TNRC6B: variants seen among roughly 807,000 people sequenced by gnomAD.
TNRC6B encodes the protein trinucleotide repeat containing adaptor 6B.
In TNRC6B, 52 loss-of-function variants were observed where a neutral mutation model predicts 203.6. The observed-to-expected ratio is 0.26, with a 90% confidence interval of 0.20 to 0.32. The LOEUF (loss-of-function observed/expected upper bound fraction) is 0.32, where lower values mean the gene tolerates loss of function less well. TNRC6B is among the 10% of genes least tolerant of loss of function. The pLI, the probability that TNRC6B is intolerant of heterozygous loss-of-function variation, is 1.00. For synonymous variants in TNRC6B, 838 were observed against 845.7 expected (o/e 0.99, Z 0.16); for missense variants, 1,923 against 2,286.2 (o/e 0.84, Z 3.24).
chr22:40,193,577 T>C (rs1428637942), intron 1 of TNRC6B, among the ~76,000 whole-genome samples: 2 of 152,092 alleles, frequency 1.3e-5, no homozygotes, highest in Admixed American at 1.3e-4. Context: ...CCGTAGGCAC[T>C]TCATAAAGTT....
At chr22:40,209,206 G>T (rs1165670462) in intron 1 of TNRC6B, among the ~76,000 whole-genome samples, 2 of 152,022 alleles carry the variant, frequency 1.3e-5, no homozygotes, top group Non-Finnish European at 2.9e-5. Flanking sequence ...TGAATAATTG[G>T]CTAAGAGAGT....
intron 1 of TNRC6B, among the ~76,000 whole-genome samples, chr22:40,228,808 G>C (rs1478271119): frequency 6.6e-6 from 1 of 152,084 alleles, no homozygotes; most frequent in African/African-American, 2.4e-5. Flanking sequence ...ACAGACATGA[G>C]CCACCGCGCC....
At position 40,055,218 on chromosome 22, in the gene TNRC6B, T is replaced by A. The variant is rs543165609; in HGVS notation, c.-121+10220T>A. Among the ~76,000 whole-genome samples, 21 of 152,048 alleles carry A rather than the reference T, an allele frequency of 1.4e-4. No individual in the cohort carries two copies. In the East Asian group the frequency reaches 4.1e-3, roughly 29 times the overall value. Reference sequence around the variant, plus strand: ...TGAGACAGATGTGGACACAGATGAGTGCCATTTAGTGTAATAAGTGCTGTA... The same window carrying A: ...TGAGACAGATGTGGACACAGATGAGAGCCATTTAGTGTAATAAGTGCTGTA... On this transcript the variant is annotated intron_variant, in intron 1 of 23. Coordinates refer to the TNRC6B transcript ENST00000301923.
At chr22:40,291,343 C>G (rs2070866966) in intron 12 of TNRC6B, among the ~76,000 whole-genome samples, 1 of 151,972 alleles carries the variant, frequency 6.6e-6, no homozygotes, top group East Asian at 1.9e-4. Context: ...CATGGTGACA[C>G]CGCTGCAATC....
chr22:40,194,868 C>A (rs1394698724), intron 1 of TNRC6B, among the ~76,000 whole-genome samples: 1 of 152,170 alleles, frequency 6.6e-6, no homozygotes, highest in Non-Finnish European at 1.5e-5. Context: ...ACTGGTGTTT[C>A]CTGCTACAGA....
intron 3 of TNRC6B, among the ~76,000 whole-genome samples, chr22:40,148,336 T>C (rs1320199669): frequency 6.6e-6 from 1 of 150,568 alleles, no homozygotes; most frequent in Non-Finnish European, 1.5e-5. Context: ...CAGGCTGCAG[T>C]GCAGTGGCAC....
intron 15 of TNRC6B, among the ~76,000 whole-genome samples, chr22:40,306,467 A>G (rs567883845): frequency 5.9e-5 from 9 of 152,276 alleles, no homozygotes; most frequent in East Asian, 1.9e-4. Context: ...CTCTTTCTCA[A>G]TGATTAGAAC....
chr22:40,047,567 C>T (rs867501677), intron 1 of TNRC6B, among the ~76,000 whole-genome samples: 1 of 151,926 alleles, frequency 6.6e-6, no homozygotes, highest in Non-Finnish European at 1.5e-5. Flanking sequence ...TGTGCCATTG[C>T]ACTCCAATCT....
intron 12 of TNRC6B, among the ~76,000 whole-genome samples, chr22:40,300,003 A>G (rs1036754818): frequency 6.6e-6 from 1 of 152,224 alleles, no homozygotes; most frequent in Non-Finnish European, 1.5e-5. Context: ...GAAGCCATGC[A>G]TTGAAACTCA....
At chr22:40,209,834 G>A (rs969654875) in intron 1 of TNRC6B, among the ~76,000 whole-genome samples, 2 of 152,070 alleles carry the variant, frequency 1.3e-5, no homozygotes, top group African/African-American at 4.8e-5. Flanking sequence ...GCCTGGCCAA[G>A]ATGGTAAAAC....
chr22:40,077,781 G>GTGTA (rs2068030693), intron 1 of TNRC6B, among the ~76,000 whole-genome samples: 1 of 152,030 alleles, frequency 6.6e-6, no homozygotes, highest in Non-Finnish European at 1.5e-5. Flanking sequence ...GTGTGTGTGT[G>GTGTA]TATATACACA....
At chr22:40,292,257 G>A (rs906406818) in intron 12 of TNRC6B, among the ~76,000 whole-genome samples, 17 of 152,050 alleles carry the variant, frequency 1.1e-4, no homozygotes, top group African/African-American at 4.1e-4. Context: ...GGAGGCTGAG[G>A]CAGGAGAATC....
intron 3 of TNRC6B, among the ~76,000 whole-genome samples, chr22:40,130,748 A>G (rs2068534576): frequency 7.5e-6 from 1 of 132,700 alleles, no homozygotes; most frequent in Non-Finnish European, 1.5e-5. Flanking sequence ...GCGCCGCTGC[A>G]CTCCAGCCTG....
chr22:40,264,694 C>T lies in TNRC6B; in HGVS notation c.464C>T (p.Thr155Ile), dbSNP rs373816263. 4.2e-5 allele frequency: 67 copies of T among 1,588,470 alleles called. No homozygotes were observed. The African/African-American group carries it at 7.9e-4, about 19-fold the overall frequency. The change falls in exon 5 of 23, where the codon ACC (threonine) becomes ATC (isoleucine). Residue 155 changes from threonine to isoleucine, a missense_variant. Coordinates refer to ENST00000454349, the MANE Select transcript of TNRC6B (RefSeq NM_001162501.2). ...QSESGTAPDS[T>I]LGGAAASNYA... ...AAGATGATCTGTTCCCCAGACTCAA[C>T]CCTTGGAGGTGCTGCTGCTTCAAAT...
At chr22:40,151,546 A>AAAGG (rs1555885688) in intron 3 of TNRC6B, among the ~76,000 whole-genome samples, 1 of 63,186 alleles carries the variant, frequency 1.6e-5, no homozygotes, top group African/African-American at 1.8e-4. Flanking sequence ...TCAAAAAAAA[A>AAAGG]AAAAAAGAAA....
Position 40,325,790 on chromosome 22 carries a change from C to G in TNRC6B, c.*2549C>G, listed in dbSNP as rs2071394513. 1 of 152,728 alleles carries G rather than the reference C, an allele frequency of 6.5e-6. No homozygotes were observed. The highest frequency in any genetic ancestry group is 2.1e-4 in the South Asian group (1 of 4,834). The allele number at this position is 152,728 out of a possible 1,614,324, so 9.5% of individuals were successfully genotyped here. A position where few individuals can be genotyped will look rare whatever the true frequency, so the allele number is the denominator to read the frequency against. ...CCTGCGAGCCAGTGGCGACCCTGTC[C>G]ACTGCCGCTCTTGGTTCACTGCTGT... On this transcript the variant is annotated 3_prime_UTR_variant, in exon 23 of 23. Transcript: ENST00000454349.
At chr22:40,062,897 T>A (rs759668290) in intron 1 of TNRC6B, among the ~76,000 whole-genome samples, 1 of 152,188 alleles carries the variant, frequency 6.6e-6, no homozygotes, top group Non-Finnish European at 1.5e-5. Flanking sequence ...TCTCCTAATC[T>A]GCAGGTTGAT....
chr22:40,131,777 A>C (rs576366567), intron 3 of TNRC6B, among the ~76,000 whole-genome samples: 3 of 152,192 alleles, frequency 2.0e-5, no homozygotes, highest in Non-Finnish European at 4.4e-5. Context: ...TGACCTAACA[A>C]ATTTCTCAAA....
intron 3 of TNRC6B, among the ~76,000 whole-genome samples, chr22:40,126,580 ATTTTTTTTT>A (rs955369459): frequency 6.8e-5 from 6 of 88,782 alleles, no homozygotes; most frequent in South Asian, 4.2e-4. Flanking sequence ...ACGTTATTTA[ATTTTTTTTT>A]TTTTTTTTTT....
Sources: gnomAD v4.1 joint callset for allele counts (sites outside exome capture counted in the v4.1 genomes callset) on GRCh38, gnomAD v4.1.1 for gene constraint, MANE v1.5 for transcripts, NCBI Gene and HGNC (gene_info 2026-07-23, HGNC 2026-07-21) for gene names.